EIF3L: variants seen among roughly 807,000 people sequenced by gnomAD.
EIF3L encodes eukaryotic translation initiation factor 3 subunit L.
Under a neutral mutation model 74.6 loss-of-function variants are expected in EIF3L, and 32 were observed. The observed-to-expected ratio is 0.43, with a 90% CI of 0.32 to 0.58. EIF3L has a LOEUF of 0.58. Among genes scored for constraint, EIF3L ranks in the 20% least tolerant of loss-of-function variants. The pLI is 0.06. For synonymous variants in EIF3L, 256 were observed against 254.4 expected (o/e 1.01, Z -0.06); for missense variants, 474 against 707.8 (o/e 0.67, Z 3.75).
chr22:37,849,439 G>A lies in EIF3L; in HGVS notation c.-11G>A. The A allele has an allele frequency of 6.2e-7, 1 of 1,613,918 alleles. No homozygotes were observed. The highest frequency in any genetic ancestry group is 8.5e-7 in the Non-Finnish European group (1 of 1,179,930). Reference sequence around the variant, plus strand: ...TCGCTCTTTCCGGCGGTGCTCGCAAGCGAGGCAGCCATGTCTTATCCCGCT... The same window carrying A: ...TCGCTCTTTCCGGCGGTGCTCGCAAACGAGGCAGCCATGTCTTATCCCGCT... On this transcript the variant is annotated 5_prime_UTR_variant, in exon 1 of 13. Transcript: ENST00000652021.
chr22:37,878,188 G>C lies in EIF3L; in HGVS notation c.1575+17G>C, dbSNP rs369779869. 7.6e-6 allele frequency: 12 copies of C among 1,578,078 alleles called. No individual in the cohort carries two copies. The highest frequency in any genetic ancestry group is 1.0e-5 in the Non-Finnish European group (12 of 1,161,414). ...ATTGATAAGGTATGCCTGTCCCCTG[G>C]GCTTGGGGTCTTGTATTAAGTGTTC... On this transcript the variant is annotated intron_variant, in intron 11 of 12. Transcript: ENST00000652021.
chr22:37,865,318 G>A (rs1327747418), intron 7 of EIF3L, among the ~76,000 whole-genome samples: 1 of 151,906 alleles, frequency 6.6e-6, no homozygotes, highest in Non-Finnish European at 1.5e-5. Context: ...AAAACAGCTG[G>A]GCGTGGTGGT....
chr22:37,885,549 A>G (rs1002430437), intron 11 of EIF3L: 1 of 152,072 alleles, frequency 6.6e-6, no homozygotes, highest in African/African-American at 2.4e-5. Context: ...AGAAAATTTT[A>G]AAGTAAAATG....
At chr22:37,860,410 A>C (rs931359843) in intron 5 of EIF3L, among the ~76,000 whole-genome samples, 2 of 152,214 alleles carry the variant, frequency 1.3e-5, no homozygotes, top group African/African-American at 2.4e-5. Context: ...GCTGGAATGC[A>C]GTGGCGCCGT....
intron 11 of EIF3L, chr22:37,885,144 C>T (rs1927253805): frequency 6.6e-6 from 1 of 152,050 alleles, no homozygotes. Context: ...GTCTCAAATA[C>T]AAACTCTTGG....
intron 7 of EIF3L, among the ~76,000 whole-genome samples, 164 bp downstream of exon 7, chr22:37,863,509 A>G (rs1231682256): frequency 3.9e-5 from 6 of 152,200 alleles, no homozygotes; most frequent in African/African-American, 7.2e-5. Context: ...CGGAAGAGGC[A>G]GGGAAGCCTA....
At position 37,886,767 on chromosome 22, in the gene EIF3L, C is replaced by A; in HGVS notation, c.1578C>A (p.Asp526Glu). Residue 526 changes from aspartate to glutamate, a missense_variant and splice_region_variant, in exon 12 of 13, where the codon GAC becomes GAA. Coordinates refer to ENST00000652021, the MANE Select transcript of EIF3L (RefSeq NM_016091.4). ...ASEVDFYIDK[D>E]MIHIADTKVA... ...CCTGACTGTGCTTTCCCCCACAGGA[C>A]ATGATCCACATCGCGGACACCAAGG... 2 of 1,608,588 alleles carry A rather than the reference C, an allele frequency of 1.2e-6. No homozygotes were observed. Among genetic ancestry groups the A allele is most frequent in the Non-Finnish European group, 1.7e-6 (2 of 1,176,378 alleles).
chr22:37,861,893 T>G (rs552793391), intron 5 of EIF3L, among the ~76,000 whole-genome samples: 1 of 152,228 alleles, frequency 6.6e-6, no homozygotes, highest in Non-Finnish European at 1.5e-5. Context: ...GATGCTGTTA[T>G]CTTTTTATTA....
At chr22:37,884,693 A>G (rs956938792) in intron 11 of EIF3L, 1 of 152,100 alleles carries the variant, frequency 6.6e-6, no homozygotes, top group Non-Finnish European at 1.5e-5. Flanking sequence ...AGTCCCAGCT[A>G]TGGGAGAGAG....
chr22:37,878,246 A>C lies in EIF3L; in HGVS notation c.1575+75A>C, dbSNP rs1395299157. The C allele has an allele frequency of 2.0e-6, 3 of 1,501,688 alleles. No individual in the cohort carries two copies. In the African/African-American group the frequency reaches 4.2e-5, roughly 21 times the overall value. The allele number at this position is 1,501,688 out of a possible 1,614,324, so 93.0% of individuals were successfully genotyped here. A position where few individuals can be genotyped will look rare whatever the true frequency, so the allele number is the denominator to read the frequency against. On this transcript the variant is annotated intron_variant, in intron 11 of 12. Coordinates refer to ENST00000652021, the MANE Select transcript of EIF3L (RefSeq NM_016091.4). ...TTCATTCACTATTGTGGGCACATGA[A>C]GTATATCGGGGAACAAAAAGATTCC...
chr22:37,849,684 T>G (rs1569108248), intron 1 of EIF3L: 4 of 633,524 alleles, frequency 6.3e-6, no homozygotes, highest in Non-Finnish European at 1.1e-5. Flanking sequence ...GATTGGCTTG[T>G]CCTTCCCCTT....
chr22:37,865,760 T>C (rs1267537430), intron 7 of EIF3L, among the ~76,000 whole-genome samples: 1 of 152,236 alleles, frequency 6.6e-6, no homozygotes, highest in Admixed American at 6.5e-5. Flanking sequence ...GCCCTCTGGC[T>C]CCTTGGCTTG....
chr22:37,864,015 A>G (rs994896723), intron 7 of EIF3L, among the ~76,000 whole-genome samples: 3 of 152,024 alleles, frequency 2.0e-5, no homozygotes, highest in Middle Eastern at 3.2e-3. Flanking sequence ...CAGTGAGCCA[A>G]GATCGTGCCA....
chr22:37,874,895 ATT>A (rs35994639), intron 9 of EIF3L, among the ~76,000 whole-genome samples: 3,264 of 113,352 alleles, frequency 0.029, 68 homozygotes, highest in African/African-American at 0.099. Context: ...TGCCCAGCTA[ATT>A]TTTTTTTTTT....
intron 12 of EIF3L, chr22:37,887,743 T>C (rs1360854464): frequency 6.6e-6 from 1 of 152,374 alleles, no homozygotes; most frequent in Non-Finnish European, 1.5e-5. Flanking sequence ...TTTCCTAATA[T>C]GGGTGGATTC....
At chr22:37,885,263 G>C (rs2145846045) in intron 11 of EIF3L, 1 of 151,916 alleles carries the variant, frequency 6.6e-6, no homozygotes, top group East Asian at 1.9e-4. Flanking sequence ...ACGTTCTTTG[G>C]CAATTATAGT....
chr22:37,858,721 A>T lies in EIF3L; in HGVS notation c.416A>T (p.His139Leu). The T allele has an allele frequency of 1.2e-6, 2 of 1,607,748 alleles. No individual in the cohort carries two copies. Among genetic ancestry groups the T allele is most frequent in the Non-Finnish European group, 1.7e-6 (2 of 1,178,296 alleles). ...LILYKELYYR[H>L]IYAKVSGGPS... ...TTATACAAAGAATTATACTACAGGCACATATATGCCAAAGTCAGTGTAAGT... is the reference window on the plus strand; with the variant it reads ...TTATACAAAGAATTATACTACAGGCTCATATATGCCAAAGTCAGTGTAAGT... Residue 139 changes from histidine (H) to leucine (L), a missense_variant, in exon 5 of 13, where the codon CAC (histidine) becomes CTC (leucine). By Grantham distance (99) the His-to-Leu change is moderately conservative. Transcript: ENST00000652021.
chr22:37,865,233 A>G (rs1456528685), intron 7 of EIF3L, among the ~76,000 whole-genome samples: 1 of 152,060 alleles, frequency 6.6e-6, no homozygotes, highest in East Asian at 1.9e-4. Flanking sequence ...TGGGAGGCCT[A>G]GGTGGGCAGA....
intron 5 of EIF3L, among the ~76,000 whole-genome samples, chr22:37,861,534 A>G (rs528675226): frequency 1.3e-5 from 2 of 152,164 alleles, no homozygotes; most frequent in East Asian, 3.9e-4. Flanking sequence ...AAATACAAAA[A>G]TTAGCCAGGC....
Sources: allele counts gnomAD v4.1 joint callset (sites outside exome capture counted in the v4.1 genomes callset), GRCh38; gene constraint gnomAD v4.1.1; transcripts MANE v1.5; gene names NCBI Gene and HGNC (gene_info 2026-07-23, HGNC 2026-07-21).